Variants in PCDHGA5 observed in about 807,000 individuals in gnomAD.
PCDHGA5 encodes the protein protocadherin gamma-A5.
In PCDHGA5, 36 loss-of-function variants were observed where a neutral mutation model predicts 56.7. The observed-to-expected ratio is 0.64, with a 90% CI of 0.49 to 0.84. The LOEUF is 0.84. Ranked by LOEUF, PCDHGA5 falls within the 40% of genes least tolerant of loss-of-function variation. The pLI is 0.00. For missense variants in PCDHGA5, 1,305 were observed against 1,201.5 expected, an observed-to-expected ratio of 1.09 and a Z score of -1.27; for synonymous variants, 563 against 520.2, an observed-to-expected ratio of 1.08 and a Z score of -1.12.
intron 1 of PCDHGA5, among the ~76,000 whole-genome samples, chr5:141,484,797 G>C (rs1228143036): frequency 6.6e-6 from 1 of 152,064 alleles, no homozygotes; most frequent in Non-Finnish European, 1.5e-5. Flanking sequence ...ATAACAACCC[G>C]TGGAAAAACA....
At chr5:141,393,114 C>A (rs750579370) in intron 1 of PCDHGA5, 3 of 1,613,300 alleles carry the variant, frequency 1.9e-6, no homozygotes, top group South Asian at 2.2e-5. Context: ...TCAGAGCCCG[C>A]GGTGTCTGAT....
At chr5:141,374,990 A>G in intron 1 of PCDHGA5, 3 of 1,614,046 alleles carry the variant, frequency 1.9e-6, no homozygotes, top group Non-Finnish European at 2.5e-6. Context: ...AGAAATTTCA[A>G]CTTCTGCAAA....
At chr5:141,461,819 A>T (rs573339238) in intron 1 of PCDHGA5, among the ~76,000 whole-genome samples, 68 of 149,282 alleles carry the variant, frequency 4.6e-4, no homozygotes, top group Non-Finnish European at 9.5e-4. Flanking sequence ...ACACCCAGCT[A>T]ATTTTTTTTT....
At chr5:141,399,504 A>G (rs754910149) in intron 1 of PCDHGA5, 3 of 1,614,000 alleles carry the variant, frequency 1.9e-6, no homozygotes, top group Non-Finnish European at 2.5e-6. Context: ...GTGTACCCGA[A>G]AACAACCCTC....
intron 1 of PCDHGA5, chr5:141,404,668 T>C: frequency 6.2e-7 from 1 of 1,614,148 alleles, no homozygotes; most frequent in Non-Finnish European, 8.5e-7. Flanking sequence ...CTGATGGTTC[T>C]ACTGGTGTGG....
At chr5:141,404,328 T>G (rs1300173055) in intron 1 of PCDHGA5, 3 of 1,613,902 alleles carry the variant, frequency 1.9e-6, no homozygotes, top group Non-Finnish European at 2.5e-6. Flanking sequence ...TCCTACTCAG[T>G]CTACCTCCCG....
Position 141,476,993 on chromosome 5 carries a change from C to A in PCDHGA5, c.2422-17814C>A. 6.2e-7 allele frequency: 1 copy of A among 1,614,244 alleles called. No individual in the cohort carries two copies. Among genetic ancestry groups the A allele is most frequent in the South Asian group, 1.1e-5 (1 of 91,086 alleles). Reference sequence around the variant, plus strand: ...CAGCCACAACCGCGCCGGCGTGCGGCAACTATTCGCCTTAGACCTTGTAAC... The same window carrying A: ...CAGCCACAACCGCGCCGGCGTGCGGAAACTATTCGCCTTAGACCTTGTAAC... On this transcript the variant is annotated intron_variant, in intron 1 of 3. Coordinates refer to ENST00000518069, the MANE Select transcript of PCDHGA5 (RefSeq NM_018918.3). This position sits in a 1 kb window ranked among gnomAD's most constrained non-coding sequence, Gnocchi z 7.6.
Position 141,364,372 on chromosome 5 carries a change from G to A in PCDHGA5, c.42G>A (p.Leu14=). The change falls in exon 1 of 4, where the codon CTG becomes CTA. Residue 14 remains leucine (L), a synonymous_variant. Transcript: ENST00000518069. ...GGGGCTGGGGCTGCGGAGAGCTGCTGCTGCCCTTCATGCTCCTGGGGACGC... is the reference window on the plus strand; with the variant it reads ...GGGGCTGGGGCTGCGGAGAGCTGCTACTGCCCTTCATGCTCCTGGGGACGC... ...PPRGWGCGEL[L]LPFMLLGTLC... is the part of the protein sequence containing the mutation. 6.4e-7 allele frequency: 1 copy of A among 1,572,570 alleles called. No individual in the cohort carries two copies. The highest frequency in any genetic ancestry group is 1.4e-5 in the African/African-American group (1 of 73,550).
At chr5:141,484,120 C>A (rs1158603108) in intron 1 of PCDHGA5, among the ~76,000 whole-genome samples, 1 of 152,146 alleles carries the variant, frequency 6.6e-6, no homozygotes, top group African/African-American at 2.4e-5. Flanking sequence ...ATCAAGAATA[C>A]CTTGGTGTCA....
At chr5:141,403,591 G>C in intron 1 of PCDHGA5, 2 of 1,613,836 alleles carry the variant, frequency 1.2e-6, no homozygotes, top group South Asian at 1.1e-5. Flanking sequence ...TGGTCCTCAC[G>C]GCCTCGGATG....
Position 141,476,793 on chromosome 5 carries a change from C to T in PCDHGA5, c.2422-18014C>T, listed in dbSNP as rs754785656. ...GACGGAGGGACCCCAGCTCTCTCCG[C>T]CAGCCTGCCTATTCACATCAAGGTG... On this transcript the variant is annotated intron_variant, in intron 1 of 3. Transcript: ENST00000518069. The surrounding 1 kb of genome is among the most constrained non-coding windows in gnomAD (Gnocchi z 7.6). 1.2e-6 allele frequency: 2 copies of T among 1,613,642 alleles called. No homozygotes were observed. The highest frequency in any genetic ancestry group is 2.2e-5 in the East Asian group (1 of 44,868).
chr5:141,418,693 T>G, intron 1 of PCDHGA5: 1 of 1,614,040 alleles, frequency 6.2e-7, no homozygotes, highest in Admixed American at 1.7e-5. Flanking sequence ...CAGAGATCAC[T>G]TATTCCTTCT....
At chr5:141,394,407 G>A in intron 1 of PCDHGA5, 1 of 1,614,240 alleles carries the variant, frequency 6.2e-7, no homozygotes, top group Admixed American at 1.7e-5. Context: ...GCAGCTACTG[G>A]TAACAGCCAG....
rs780787385 is a variant in PCDHGA5 at position 141,366,371 on chromosome 5, C to G, written c.2041C>G (p.Pro681Ala). 6.2e-7 allele frequency: 1 copy of G among 1,613,992 alleles called. No individual in the cohort carries two copies. The highest frequency in any genetic ancestry group is 8.5e-7 in the Non-Finnish European group (1 of 1,180,056). The change falls in exon 1 of 4, where the codon CCC becomes GCC. Residue 681 changes from proline (P) to alanine (A), a missense_variant. Physicochemically the swap from Pro to Ala is conservative, Grantham distance 27 (BLOSUM62 -1). Coordinates refer to ENST00000518069, the MANE Select transcript of PCDHGA5 (RefSeq NM_018918.3). ...GGCTGACCTAGGCAGTATCAAGACC[C>G]CCATTGACCCTGAGGATCTGGACCT... The part of the protein sequence containing the change: ...ILADLGSIKT[P>A]IDPEDLDLTL...
intron 1 of PCDHGA5, chr5:141,384,849 TC>T (rs2047512750): frequency 6.2e-7 from 1 of 1,613,452 alleles, no homozygotes; most frequent in East Asian, 2.2e-5. Flanking sequence ...AGGACCACGG[TC>T]AGCCTCCTCT....
At chr5:141,494,724 T>C in intron 1 of PCDHGA5, 83 bp from the exon 2 acceptor site, 1 of 1,606,108 alleles carries the variant, frequency 6.2e-7, no homozygotes, top group South Asian at 1.1e-5. Flanking sequence ...CCCCTCCTTC[T>C]CTCCCGGCCC....
intron 1 of PCDHGA5, chr5:141,405,186 G>A (rs762537440): frequency 6.2e-6 from 10 of 1,612,892 alleles, no homozygotes; most frequent in Non-Finnish European, 8.5e-6. Context: ...GGTGTAGATG[G>A]GGTTCGAGCT....
At chr5:141,463,587 T>TA (rs2099064735) in intron 1 of PCDHGA5, among the ~76,000 whole-genome samples, 1 of 152,058 alleles carries the variant, frequency 6.6e-6, no homozygotes, top group East Asian at 1.9e-4. Context: ...TAGCTGGGAC[T>TA]ACAGGTGCCT....
At chr5:141,506,432 C>A (rs2099853359) in intron 3 of PCDHGA5, among the ~76,000 whole-genome samples, 1 of 132,482 alleles carries the variant, frequency 7.5e-6, no homozygotes, top group Non-Finnish European at 1.6e-5. Context: ...GGGCAACAGT[C>A]TCGCTCTGTC....
Sources: allele counts gnomAD v4.1 joint callset (sites outside exome capture counted in the v4.1 genomes callset), GRCh38; gene constraint gnomAD v4.1.1; non-coding constraint Gnocchi (gnomAD v3.1); transcripts MANE v1.5; gene names NCBI Gene and HGNC (gene_info 2026-07-23, HGNC 2026-07-21).